C1QTNF1: variants seen among roughly 807,000 people sequenced by gnomAD.
C1QTNF1 encodes C1q and TNF related 1.
A neutral mutation model predicts 27.8 loss-of-function variants in C1QTNF1; 22 were observed. That is an observed-to-expected ratio of 0.79 (90% CI 0.56 to 1.13). C1QTNF1 has a LOEUF of 1.13. C1QTNF1 is among the 50% of genes most tolerant of loss of function. The pLI, the probability that C1QTNF1 is intolerant of heterozygous loss-of-function variation, is 0.00. For synonymous variants in C1QTNF1, 166 were observed against 154.3 expected, an observed-to-expected ratio of 1.08 and a Z score of -0.56; for missense variants, 373 against 380.2, an observed-to-expected ratio of 0.98 and a Z score of 0.16.
upstream of C1QTNF1, among the ~76,000 whole-genome samples, chr17:79,023,390 G>A (rs769057162): frequency 3.3e-5 from 5 of 152,192 alleles, no homozygotes; most frequent in African/African-American, 4.8e-5. Flanking sequence ...GATGGAGACT[G>A]GGTCCCAACC....
At chr17:79,037,096 GTTTA>G (rs898709331) in intron 1 of C1QTNF1, among the ~76,000 whole-genome samples, 10 of 152,074 alleles carry the variant, frequency 6.6e-5, no homozygotes, top group African/African-American at 2.4e-4. Flanking sequence ...CCACTTATTT[GTTTA>G]TTTATTCACC....
rs538641287 is a variant in C1QTNF1, at chr17:79,029,731, A to T, written c.-15+5237A>T. Among the ~76,000 whole-genome samples the T allele has an allele frequency of 6.6e-5, 10 of 152,316 alleles. No homozygotes were observed. In the East Asian group the frequency reaches 1.9e-3, roughly 29 times the overall value. ...TCAACAGCAAGGGCCAAAGACGAAC[A>T]AAGCCCCTCACTGCTAGGAAACGGG... On this transcript the variant is annotated intron_variant, in intron 1 of 3. Transcript: ENST00000579760.
At chr17:79,041,894 G>A (rs1043903070) in intron 1 of C1QTNF1, 6 of 147,666 alleles carry the variant, frequency 4.1e-5, no homozygotes, top group African/African-American at 1.3e-4. Flanking sequence ...GGTCATCTTG[G>A]TGTGTAATAT....
intron 1 of C1QTNF1, among the ~76,000 whole-genome samples, chr17:79,037,454 G>A (rs1325216867): frequency 2.0e-5 from 3 of 151,596 alleles, no homozygotes; most frequent in Non-Finnish European, 4.4e-5. Flanking sequence ...ACTAGAGACA[G>A]GGATTTGCCA....
Position 79,046,809 on chromosome 17 carries a change from C to A in C1QTNF1, c.295+115C>A. 1 of 1,361,370 alleles carries A rather than the reference C, an allele frequency of 7.3e-7. No individual in the cohort carries two copies. The highest frequency in any genetic ancestry group is 1.0e-6 in the Non-Finnish European group (1 of 990,880). 84.3% of individuals were successfully genotyped at this position (1,361,370 alleles called of 1,614,324 possible). On this transcript the variant is annotated intron_variant, in intron 3 of 3. Coordinates refer to ENST00000579760, the MANE Select transcript of C1QTNF1 (RefSeq NM_030968.5). This position sits in a 1 kb window ranked among gnomAD's most constrained non-coding sequence, Gnocchi z 4.8. Reference sequence around the variant, plus strand: ...CGAGAGCAGAATGGCTCCCTCGGGACAGGGAGCAGAGGCAGGCAGGCTGTC... The same window carrying A: ...CGAGAGCAGAATGGCTCCCTCGGGAAAGGGAGCAGAGGCAGGCAGGCTGTC...
chr17:79,027,387 A>T (rs2071997801), intron 1 of C1QTNF1: 1 of 152,318 alleles, frequency 6.6e-6, no homozygotes, highest in Non-Finnish European at 1.5e-5. Context: ...TGCCCACTTT[A>T]GAGAGCAGTC....
chr17:79,044,973 C>G (rs569106432), intron 2 of C1QTNF1, among the ~76,000 whole-genome samples: 9 of 152,150 alleles, frequency 5.9e-5, no homozygotes, highest in Admixed American at 1.3e-4. Context: ...CCCCCAGGCA[C>G]GGGGGGACAC....
Position 79,046,179 on chromosome 17 carries a change from C to T in C1QTNF1, c.156-376C>T, listed in dbSNP as rs890479832. On this transcript the variant is annotated intron_variant, in intron 2 of 3. Coordinates refer to ENST00000579760, the MANE Select transcript of C1QTNF1 (RefSeq NM_030968.5). The surrounding 1 kb of genome is among the most constrained non-coding windows in gnomAD (Gnocchi z 4.8). ...CCAGTTGAACCTTCTTATTTGCAGA[C>T]GAGTCAGCTTCATATGTTATTTTCT... 9.2e-5 allele frequency among the ~76,000 whole-genome samples: 14 copies of T among 152,178 alleles called. No individual in the cohort carries two copies. The highest frequency in any genetic ancestry group is 1.6e-4 in the Non-Finnish European group (11 of 68,036).
intron 2 of C1QTNF1, 72 bp downstream of exon 2, chr17:79,044,195 T>G: frequency 6.9e-7 from 1 of 1,444,356 alleles, no homozygotes; most frequent in Non-Finnish European, 9.2e-7. Flanking sequence ...TTGGGGCCCC[T>G]GGGGGAGCTA....
rs759122216 is a variant in C1QTNF1 at position 79,046,652 on chromosome 17, C to A, written c.253C>A (p.Pro85Thr). Residue 85 changes from proline (P) to threonine (T), a missense_variant, in exon 3 of 4, where the codon CCG becomes ACG. Pro to Thr is a conservative substitution (Grantham distance 38). Transcript: ENST00000579760. This position sits in a 1 kb window ranked among gnomAD's most constrained non-coding sequence, Gnocchi z 4.8. ...CTGTGACCCCGGTACCTCCATGTAC[C>A]CGGCGACCGCCGTGCCCCAGATCAA... ...RCCDPGTSMY[P>T]ATAVPQINIT... 2 of 1,614,016 alleles carry A rather than the reference C, an allele frequency of 1.2e-6. No individual in the cohort carries two copies. The highest frequency in any genetic ancestry group is 2.7e-5 in the African/African-American group (2 of 74,908).
Position 79,043,985 on chromosome 17 carries a change from A to C in C1QTNF1, c.17A>C (p.Gln6Pro). MGSRG[Q>P]GLLLAYCLLL... ...GGCAGGAAGATGGGCTCCCGTGGAC[A>C]GGGACTCTTGCTGGCGTACTGCCTG... Residue 6 changes from glutamine (Q) to proline (P), a missense_variant, in exon 2 of 4, where the codon CAG (glutamine) becomes CCG (proline). Physicochemically the swap from Gln to Pro is moderately conservative, Grantham distance 76. Coordinates refer to ENST00000579760, the MANE Select transcript of C1QTNF1 (RefSeq NM_030968.5). 1 of 1,614,128 alleles carries C rather than the reference A, an allele frequency of 6.2e-7. No homozygotes were observed. The highest frequency in any genetic ancestry group is 8.5e-7 in the Non-Finnish European group (1 of 1,180,032).
At chr17:79,028,037 G>A (rs1046746315) in intron 1 of C1QTNF1, among the ~76,000 whole-genome samples, 2 of 152,226 alleles carry the variant, frequency 1.3e-5, no homozygotes, top group East Asian at 1.9e-4. Context: ...CAGGACGGCC[G>A]TCGGGACGGC....
Position 79,044,059 on chromosome 17 carries a change from C to G in C1QTNF1, c.91C>G (p.Gln31Glu). The change falls in exon 2 of 4, where the codon CAG (glutamine) becomes GAG (glutamate). Residue 31 changes from glutamine (Q) to glutamate (E), a missense_variant. By Grantham distance (29) the Gln-to-Glu change is conservative. Coordinates refer to ENST00000579760, the MANE Select transcript of C1QTNF1 (RefSeq NM_030968.5). ...GLVLSRVPHV[Q>E]GEQQEWEGTE... ...GGTCCTGAGTCGTGTGCCCCATGTC[C>G]AGGGGGAACAGCAGGAGTGGGAGGG... 6.2e-7 allele frequency: 1 copy of G among 1,613,946 alleles called. No homozygotes were observed. The highest frequency in any genetic ancestry group is 8.5e-7 in the Non-Finnish European group (1 of 1,179,902).
rs749002175 is a variant in C1QTNF1 at position 79,046,656 on chromosome 17, C to T, written c.257C>T (p.Ala86Val). The T allele has an allele frequency of 6.2e-6, 10 of 1,614,084 alleles. No homozygotes were observed. Among genetic ancestry groups the T allele is most frequent in the East Asian group, 2.2e-5 (1 of 44,894 alleles). Residue 86 changes from alanine (A) to valine (V), a missense_variant, in exon 3 of 4, where the codon GCG (alanine) becomes GTG (valine). Coordinates refer to ENST00000579760, the MANE Select transcript of C1QTNF1 (RefSeq NM_030968.5). The surrounding 1 kb of genome is among the most constrained non-coding windows in gnomAD (Gnocchi z 4.8). ...CCDPGTSMYP[A>V]TAVPQINITI... is the part of the protein sequence containing the mutation. Reference sequence around the variant, plus strand: ...GACCCCGGTACCTCCATGTACCCGGCGACCGCCGTGCCCCAGATCAACATC... The same window carrying T: ...GACCCCGGTACCTCCATGTACCCGGTGACCGCCGTGCCCCAGATCAACATC...
intron 2 of C1QTNF1, among the ~76,000 whole-genome samples, chr17:79,045,091 G>A (rs1365220897): frequency 6.6e-6 from 1 of 152,132 alleles, no homozygotes; most frequent in South Asian, 2.1e-4. Context: ...TACCCATGAC[G>A]CTGGAGGCAG....
chr17:79,029,826 G>T (rs1363520955), intron 1 of C1QTNF1, among the ~76,000 whole-genome samples: 1 of 152,160 alleles, frequency 6.6e-6, no homozygotes, highest in Non-Finnish European at 1.5e-5. Flanking sequence ...CACCTGTGCT[G>T]TTCCTGGTCC....
chr17:79,041,360 G>A (rs984816986), intron 1 of C1QTNF1, among the ~76,000 whole-genome samples: 2 of 152,170 alleles, frequency 1.3e-5, no homozygotes, highest in African/African-American at 2.4e-5. Flanking sequence ...GTTCGGGGGG[G>A]CCAGCCTTGC....
chr17:79,038,579 G>A (rs1189120143), intron 1 of C1QTNF1, among the ~76,000 whole-genome samples: 1 of 152,200 alleles, frequency 6.6e-6, no homozygotes, highest in African/African-American at 2.4e-5. Flanking sequence ...GAGTCATGCT[G>A]GAACTGTCTT....
chr17:79,030,513 CT>C (rs758224696), intron 1 of C1QTNF1, among the ~76,000 whole-genome samples: 2 of 127,346 alleles, frequency 1.6e-5, no homozygotes, highest in Admixed American at 1.5e-4. Flanking sequence ...TTCTTTCTTT[CT>C]TTCTTTCTTT....
Sources: gnomAD v4.1 joint callset for allele counts (sites outside exome capture counted in the v4.1 genomes callset) on GRCh38, gnomAD v4.1.1 for gene constraint, Gnocchi (gnomAD v3.1) non-coding constraint, MANE v1.5 for transcripts, NCBI Gene and HGNC (gene_info 2026-07-23, HGNC 2026-07-21) for gene names.